Variants in CLCN1 observed in about 807,000 individuals in gnomAD.
The protein encoded by CLCN1 is chloride voltage-gated channel 1.
A neutral mutation model predicts 114.5 loss-of-function variants in CLCN1; 100 were observed. The ratio of observed to expected loss-of-function variants is 0.87; its 90% CI spans 0.74 to 1.03. The LOEUF is 1.03. CLCN1 is among the 50% of genes least tolerant of loss of function. The probability of loss-of-function intolerance (pLI) is 0.00; values close to 1 mark genes in which losing one functional copy is unlikely to be tolerated. For synonymous variants in CLCN1, 485 were observed against 487.1 expected, an observed-to-expected ratio of 1.00 and a Z score of 0.06; for missense variants, 1,188 against 1,250.0, an observed-to-expected ratio of 0.95 and a Z score of 0.75.
At chr7:143,349,025 G>A (rs1158289062) in intron 20 of CLCN1, among the ~76,000 whole-genome samples, 1 of 152,182 alleles carries the variant, frequency 6.6e-6, no homozygotes, top group African/African-American at 2.4e-5. Flanking sequence ...AGACGGGTAA[G>A]TCAATTAGAA....
At chr7:143,341,291 G>C (rs1006172477) in intron 14 of CLCN1, among the ~76,000 whole-genome samples, 1 of 152,134 alleles carries the variant, frequency 6.6e-6, no homozygotes, top group Admixed American at 6.5e-5. Context: ...TGATACAGTG[G>C]CTCATGCCTG....
chr7:143,331,572 A>C lies in CLCN1; in HGVS notation c.1086A>C (p.Gly362=). The C allele has an allele frequency of 6.2e-7, 1 of 1,613,824 alleles. No individual in the cohort carries two copies. The highest frequency in any genetic ancestry group is 8.5e-7 in the Non-Finnish European group (1 of 1,179,774). ...AAIGICCGLL[G]AVFVYLHRQV... is the part of the protein sequence containing the mutation. ...TCAGGATTTGCTGTGGGCTCCTGGG[A>C]GCTGTATTTGTGTATCTGCATCGCC... is the stretch of plus-strand genomic sequence containing the variant. Residue 362 remains glycine (G), a synonymous_variant, in exon 10 of 23, where the codon GGA becomes GGC. Transcript: ENST00000343257.
Position 143,316,216 on chromosome 7 carries a change from G to A in CLCN1, c.4G>A (p.Glu2Lys). 2 of 1,612,538 alleles carry A rather than the reference G, an allele frequency of 1.2e-6. No homozygotes were observed. The highest frequency in any genetic ancestry group is 1.7e-6 in the Non-Finnish European group (2 of 1,179,208). Reference protein sequence around the residue: MEQSRSQQRGGE... With the variant: MKQSRSQQRGGE... ...CCGGGGCTCGGGGGGAGGGAATATG[G>A]AGCAATCCCGGTCACAGCAGCGTGG... The change falls in exon 1 of 23, where the codon GAG (glutamate) becomes AAG (lysine). Residue 2 changes from glutamate (E) to lysine (K), a missense_variant. Glu to Lys is a moderately conservative substitution (Grantham distance 56). Transcript: ENST00000343257.
chr7:143,337,347 T>C (rs916348649), intron 12 of CLCN1, among the ~76,000 whole-genome samples: 3 of 152,218 alleles, frequency 2.0e-5, no homozygotes, highest in Non-Finnish European at 4.4e-5. Flanking sequence ...TCAGTCTCTA[T>C]TCTCTTCATT....
rs58243872 is a variant in CLCN1, at chr7:143,316,521, C to T, written c.180+129C>T. 1.7e-4 allele frequency: 143 copies of T among 824,560 alleles called. No homozygotes were observed. In the East Asian group the frequency reaches 3.4e-3, roughly 19 times the overall value. 51.1% of individuals were successfully genotyped at this position (824,560 alleles called of 1,614,324 possible). A position where few individuals can be genotyped will look rare whatever the true frequency, so the allele number is the denominator to read the frequency against. ...ATTTTTTTAACTTAAAAAACAAGTA[C>T]GTGGTGATGTGTTCAAAATATGAAA... On this transcript the variant is annotated intron_variant, in intron 1 of 22. Transcript: ENST00000343257.
intron 1 of CLCN1, 58 bp downstream of exon 1, chr7:143,316,450 G>A: frequency 2.0e-6 from 3 of 1,503,478 alleles, no homozygotes; most frequent in South Asian, 1.1e-5. Context: ...TGGTGCCAGA[G>A]ACTGGTGAAA....
At chr7:143,333,487 C>T (rs1802785316) in intron 12 of CLCN1, among the ~76,000 whole-genome samples, 1 of 152,122 alleles carries the variant, frequency 6.6e-6, no homozygotes. Flanking sequence ...TAGAGTTAAG[C>T]ATTATAAATA....
In CLCN1 at chr7:143,321,162, G is replaced by T. The variant is rs1802419961; in HGVS notation, c.434-203G>T. ...GGCCTCCAGACCCTGTACTCCAGTG[G>T]GATTCGTGACACAGCCACCAACTGG... On this transcript the variant is annotated intron_variant, in intron 3 of 22. Transcript: ENST00000343257. The surrounding 1 kb of genome is among the most constrained non-coding windows in gnomAD (Gnocchi z 4.2). 6.6e-6 allele frequency among the ~76,000 whole-genome samples: 1 copy of T among 152,176 alleles called. No homozygotes were observed. The highest frequency in any genetic ancestry group is 6.5e-5 in the Admixed American group (1 of 15,276).
In CLCN1 at chr7:143,332,442, T is replaced by C. The variant is rs368958317; in HGVS notation, c.1190T>C (p.Val397Ala). ...AKHRLLYPGI[V>A]TFVIASFTFP... ...AGCCGCCTGCTGTATCCTGGAATTG[T>C]TACCTTTGTCATTGCCTCATTCACC... is the stretch of plus-strand genomic sequence containing the variant. The change falls in exon 11 of 23, where the codon GTT becomes GCT. Residue 397 changes from valine to alanine, a missense_variant. Transcript: ENST00000343257. 1.2e-5 allele frequency: 20 copies of C among 1,614,052 alleles called. No individual in the cohort carries two copies. Among genetic ancestry groups the C allele is most frequent in the Non-Finnish European group, 1.6e-5 (19 of 1,179,988 alleles).
In CLCN1 at chr7:143,330,773, A is replaced by C. The variant is rs1802699412; in HGVS notation, c.855A>C (p.Gly285=). Residue 285 remains glycine (G), a splice_region_variant and synonymous_variant, in exon 8 of 23, where the codon GGA becomes GGC. Transcript: ENST00000343257. ...VGCCFGTPLG[G]VLFSIEVTST... ...AACCACACTTCTGTGCCCCTGCAGG[A>C]GTGCTATTTAGCATCGAGGTCACCT... 1 of 1,613,994 alleles carries C rather than the reference A, an allele frequency of 6.2e-7. No individual in the cohort carries two copies. Among genetic ancestry groups the C allele is most frequent in the Admixed American group, 1.7e-5 (1 of 60,002 alleles).
chr7:143,323,224 G>A (rs1330786156), intron 5 of CLCN1, 85 bp from the exon 6 acceptor site: 1 of 810,040 alleles, frequency 1.2e-6, no homozygotes, highest in Non-Finnish European at 2.2e-6. Flanking sequence ...ACAGTGCCTG[G>A]AGTAAGGAAT....
In CLCN1 at chr7:143,342,508, C is replaced by A. The variant is rs1257835431; in HGVS notation, c.1930+3C>A. Reference sequence around the variant, plus strand: ...TTTACCACTGGTTGACTCAAAAGGTCAGTGGGGAGGAAGAAGTCGACTCCA... The same window carrying A: ...TTTACCACTGGTTGACTCAAAAGGTAAGTGGGGAGGAAGAAGTCGACTCCA... On this transcript the variant is annotated splice_donor_region_variant and intron_variant, in intron 16 of 22. Transcript: ENST00000343257. The A allele has an allele frequency of 6.2e-7, 1 of 1,614,052 alleles. No individual in the cohort carries two copies.
Position 143,323,350 on chromosome 7 carries a change from C to T in CLCN1, c.738C>T (p.Leu246=). The stretch of plus-strand genomic sequence containing the variant: ...TTGCCAGCATCTGTGCTGCTGTCCT[C>T]AGCAAATTCATGTCTGTGTTCTGCG... ...VHIASICAAV[L]SKFMSVFCGV... is the part of the protein sequence containing the mutation. The change falls in exon 6 of 23, where the codon CTC becomes CTT. Residue 246 remains leucine (L), a synonymous_variant. Transcript: ENST00000343257. 6.2e-7 allele frequency: 1 copy of T among 1,613,962 alleles called. No individual in the cohort carries two copies. The highest frequency in any genetic ancestry group is 8.5e-7 in the Non-Finnish European group (1 of 1,179,856).
At chr7:143,319,073 G>A (rs10274425) in intron 1 of CLCN1, among the ~76,000 whole-genome samples, 54,693 of 152,038 alleles carry the variant, frequency 0.36, 11,363 homozygotes, top group Middle Eastern at 0.59. Context: ...CAGGATGGAA[G>A]CGGAGGGCCA....
chr7:143,322,645 C>G (rs1415509173), intron 5 of CLCN1, among the ~76,000 whole-genome samples: 2 of 152,208 alleles, frequency 1.3e-5, no homozygotes, highest in Non-Finnish European at 2.9e-5. Context: ...ACCTCAGCTT[C>G]CCGAGTAGCT....
intron 1 of CLCN1, among the ~76,000 whole-genome samples, chr7:143,318,379 T>A (rs541738879): frequency 9.9e-5 from 15 of 152,226 alleles, no homozygotes; most frequent in African/African-American, 3.6e-4. Flanking sequence ...TGCGCCACCA[T>A]GCCTGGCTAA....
At chr7:143,348,310 T>C (rs1308099623) in intron 20 of CLCN1, among the ~76,000 whole-genome samples, 1 of 152,132 alleles carries the variant, frequency 6.6e-6, no homozygotes, top group Admixed American at 6.5e-5. Flanking sequence ...ATAATTGCAG[T>C]TAAGGAGTAC....
At chr7:143,334,213 G>GA (rs113218469) in intron 12 of CLCN1, among the ~76,000 whole-genome samples, 62,794 of 145,868 alleles carry the variant, frequency 0.43, 13,462 homozygotes, top group African/African-American at 0.53. Context: ...CACTCCTCAA[G>GA]AAAAAAAAAA....
At chr7:143,338,884 T>A (rs1457738707) in intron 12 of CLCN1, among the ~76,000 whole-genome samples, 1 of 152,152 alleles carries the variant, frequency 6.6e-6, no homozygotes, top group Non-Finnish European at 1.5e-5. Flanking sequence ...TCAGGCTACT[T>A]TGCTGAGGCA....
Sources: gnomAD v4.1 joint callset for allele counts (sites outside exome capture counted in the v4.1 genomes callset) on GRCh38, gnomAD v4.1.1 for gene constraint, Gnocchi (gnomAD v3.1) non-coding constraint, MANE v1.5 for transcripts, NCBI Gene and HGNC (gene_info 2026-07-23, HGNC 2026-07-21) for gene names.